The following MCU variants were observed in gnomAD, a reference collection of about 807,000 sequenced individuals.
The protein encoded by MCU is calcium uniporter protein, mitochondrial.
In MCU, 12 loss-of-function variants were observed where a neutral mutation model predicts 45.2. The observed-to-expected ratio is 0.27, with a 90% CI of 0.17 to 0.43. The LOEUF (loss-of-function observed/expected upper bound fraction) is 0.43. Ranked by LOEUF, MCU falls within the 20% of genes least tolerant of loss-of-function variation. The pLI is 1.00. For missense variants in MCU, 324 were observed against 436.7 expected (o/e 0.74, Z 2.30); for synonymous variants, 160 against 165.1 (o/e 0.97, Z 0.24).
intron 1 of MCU, among the ~76,000 whole-genome samples, chr10:72,829,042 CG>C (rs1379246564): frequency 1.3e-5 from 2 of 152,140 alleles, no homozygotes; most frequent in Non-Finnish European, 2.9e-5. Context: ...CTAGGGAGGC[CG>C]GGCGCCTTGG....
chr10:72,699,839 G>A (rs1842735146), intron 1 of MCU, among the ~76,000 whole-genome samples: 1 of 151,970 alleles, frequency 6.6e-6, no homozygotes, highest in African/African-American at 2.4e-5. Flanking sequence ...TGATCTGCGT[G>A]TCTTGGCCTC....
intron 1 of MCU, among the ~76,000 whole-genome samples, chr10:72,786,418 G>A (rs1321052370): frequency 1.3e-5 from 2 of 152,106 alleles, no homozygotes; most frequent in African/African-American, 4.8e-5. Flanking sequence ...TGGAATGTAA[G>A]TTACTAATTT....
At chr10:72,780,172 G>A (rs1011243538) in intron 1 of MCU, among the ~76,000 whole-genome samples, 3 of 152,172 alleles carry the variant, frequency 2.0e-5, no homozygotes, top group Admixed American at 2.0e-4. Context: ...TAAGAAGCCA[G>A]TCACAAAAGA....
intron 1 of MCU, among the ~76,000 whole-genome samples, chr10:72,768,549 A>G (rs1424540835): frequency 6.6e-6 from 1 of 152,220 alleles, no homozygotes; most frequent in African/African-American, 2.4e-5. Context: ...AGAAGGTTGC[A>G]TAGAACTAAG....
intron 6 of MCU, among the ~76,000 whole-genome samples, chr10:72,879,528 G>A (rs1056431700): frequency 2.0e-5 from 3 of 152,084 alleles, no homozygotes; most frequent in Admixed American, 2.0e-4. Context: ...CCAAAATAAA[G>A]ACATTTTCAG....
intron 1 of MCU, among the ~76,000 whole-genome samples, chr10:72,714,030 G>A (rs1012058939): frequency 1.3e-5 from 2 of 150,316 alleles, no homozygotes; most frequent in African/African-American, 2.5e-5. Flanking sequence ...GCAATGGCGC[G>A]ATCTTGGCTC....
chr10:72,703,107 C>T (rs1842778840), intron 1 of MCU, among the ~76,000 whole-genome samples: 1 of 152,112 alleles, frequency 6.6e-6, no homozygotes, highest in South Asian at 2.1e-4. Context: ...TGAGAAGCAG[C>T]CACTGGTTTG....
At chr10:72,765,873 C>CT (rs201445390) in intron 1 of MCU, among the ~76,000 whole-genome samples, 129 of 143,170 alleles carry the variant, frequency 9.0e-4, no homozygotes, top group African/African-American at 3.2e-3. Context: ...TTTTCTTTTT[C>CT]TTTTTTTTGA....
chr10:72,792,491 T>C (rs1489079482), intron 1 of MCU, among the ~76,000 whole-genome samples: 6 of 152,110 alleles, frequency 3.9e-5, no homozygotes, highest in Admixed American at 6.5e-5. Context: ...AGAAAGGTGG[T>C]CAGAGTTCAG....
intron 1 of MCU, among the ~76,000 whole-genome samples, chr10:72,710,179 T>C (rs1166823935): frequency 6.6e-6 from 1 of 152,170 alleles, no homozygotes; most frequent in Non-Finnish European, 1.5e-5. Flanking sequence ...GGTTTCACCA[T>C]GTTGGCCAGG....
chr10:72,730,978 G>A (rs1007131017), intron 1 of MCU: 2 of 152,208 alleles, frequency 1.3e-5, no homozygotes, highest in Non-Finnish European at 1.5e-5. Flanking sequence ...TAGAGAGATG[G>A]AGTTTTGCCA....
At chr10:72,780,551 T>TGTGTGTGTGTGTGTGTGTGTGTGTGTGTG (rs1554823562) in intron 1 of MCU, among the ~76,000 whole-genome samples, 4 of 143,922 alleles carry the variant, frequency 2.8e-5, no homozygotes, top group Admixed American at 7.0e-5. Flanking sequence ...TGTGTGTGTG[T>TGTGTGTGTGTGTGTGTGTGTGTGTGTGTG]TGGGTGAATT....
At chr10:72,865,889 G>A (rs1201050435) in intron 4 of MCU, among the ~76,000 whole-genome samples, 2 of 150,996 alleles carry the variant, frequency 1.3e-5, no homozygotes, top group South Asian at 2.1e-4. Context: ...CCATTCTGCT[G>A]TCTCAGCCTC....
intron 1 of MCU, among the ~76,000 whole-genome samples, chr10:72,813,965 G>A (rs1844587210): frequency 6.6e-6 from 1 of 152,080 alleles, no homozygotes; most frequent in Non-Finnish European, 1.5e-5. Context: ...ACTGTGTTTT[G>A]TAACTGACAG....
At chr10:72,871,353 C>T (rs745784101) in intron 5 of MCU, 24 bp from the exon 6 acceptor site, 183 of 1,610,574 alleles carry the variant, frequency 1.1e-4, no homozygotes, top group Non-Finnish European at 1.5e-4. Context: ...GTCAAAATGC[C>T]TTATGATTAT....
At chr10:72,841,207 A>G (rs1432577302) in intron 2 of MCU, among the ~76,000 whole-genome samples, 1 of 152,168 alleles carries the variant, frequency 6.6e-6, no homozygotes, top group East Asian at 1.9e-4. Flanking sequence ...CCTAATATCC[A>G]GGTCTCTTGT....
At chr10:72,870,457 T>G (rs919273883) in intron 5 of MCU, among the ~76,000 whole-genome samples, 6 of 152,020 alleles carry the variant, frequency 3.9e-5, no homozygotes, top group Admixed American at 6.5e-5. Context: ...TTTTTGTGTT[T>G]TTTTTTAGTA....
Position 72,837,513 on chromosome 10 carries a change from A to G in MCU, c.220+3085A>G, listed in dbSNP as rs569957859. On this transcript the variant is annotated intron_variant, in intron 2 of 7. Transcript: ENST00000373053. Reference sequence around the variant, plus strand: ...CAAAGCCTGTTTCCTCATTCGTGAAATGTAGATAGTAATAGTTAACACCTC... The same window carrying G: ...CAAAGCCTGTTTCCTCATTCGTGAAGTGTAGATAGTAATAGTTAACACCTC... 4.6e-5 allele frequency among the ~76,000 whole-genome samples: 7 copies of G among 152,244 alleles called. No homozygotes were observed. In the South Asian group the frequency reaches 1.5e-3, roughly 32 times the overall value.
chr10:72,787,002 G>C (rs760833689), intron 1 of MCU, among the ~76,000 whole-genome samples: 80 of 152,308 alleles, frequency 5.3e-4, no homozygotes, highest in South Asian at 1.9e-3. Flanking sequence ...TATGGAGAGA[G>C]AGGGGTTTTT....
Sources: gnomAD v4.1 joint callset for allele counts (sites outside exome capture counted in the v4.1 genomes callset) on GRCh38, gnomAD v4.1.1 for gene constraint, MANE v1.5 for transcripts, NCBI Gene and HGNC (gene_info 2026-07-23, HGNC 2026-07-21) for gene names.